The following MYO9B variants were observed in gnomAD, a reference collection of about 807,000 sequenced individuals.
MYO9B encodes unconventional myosin-IXb.
Under a neutral mutation model 229.5 loss-of-function variants are expected in MYO9B, and 71 were observed. The observed-to-expected ratio is 0.31, with a 90% CI of 0.26 to 0.38. The LOEUF (loss-of-function observed/expected upper bound fraction) is 0.38. MYO9B is among the 10% of genes least tolerant of loss of function. The pLI, the probability that MYO9B is intolerant of heterozygous loss-of-function variation, is 1.00. For missense variants in MYO9B, 2,255 were observed against 2,920.5 expected (o/e 0.77, Z 5.25); for synonymous variants, 1,185 against 1,235.8 (o/e 0.96, Z 0.86).
intron 2 of MYO9B, among the ~76,000 whole-genome samples, chr19:17,125,328 G>A (rs547943322): frequency 1.5e-4 from 20 of 134,070 alleles, no homozygotes; most frequent in Non-Finnish European, 2.5e-4. Context: ...GGTAAGATGA[G>A]CCCTAGGGGA....
At chr19:17,140,098 A>G (rs930779894) in intron 2 of MYO9B, among the ~76,000 whole-genome samples, 2 of 152,162 alleles carry the variant, frequency 1.3e-5, no homozygotes, top group Admixed American at 1.3e-4. Context: ...GGATGGATGC[A>G]TGGATGGAAA....
chr19:17,134,981 C>T (rs966797511), intron 2 of MYO9B, among the ~76,000 whole-genome samples: 1 of 149,246 alleles, frequency 6.7e-6, no homozygotes, highest in African/African-American at 2.5e-5. Context: ...CCAGGCTGGT[C>T]TCGAACTCCT....
chr19:17,133,677 C>T (rs1256117363), intron 2 of MYO9B, among the ~76,000 whole-genome samples: 1 of 152,098 alleles, frequency 6.6e-6, no homozygotes, highest in Non-Finnish European at 1.5e-5. Context: ...GTCTCAAACT[C>T]CTGGCCTCAA....
rs2145492969 is a variant in MYO9B at position 17,201,910 on chromosome 19, TC to T, written c.4564-14del. 6.2e-7 allele frequency: 1 copy of T among 1,603,534 alleles called. No individual in the cohort carries two copies. Among genetic ancestry groups the T allele is most frequent in the Non-Finnish European group, 8.5e-7 (1 of 1,172,708 alleles). ...CAGGCCTGAGGCACGCAGGGTCAGT[TC>T]CTCTCCCCTTCCAGATAAATGACCT... On this transcript the variant is annotated splice_polypyrimidine_tract_variant and intron_variant, in intron 26 of 39. Coordinates refer to ENST00000682292, the MANE Select transcript of MYO9B (RefSeq NM_004145.4).
chr19:17,206,017 G>T lies in MYO9B; in HGVS notation c.5122G>T (p.Asp1708Tyr), dbSNP rs200219863. 13 of 1,606,416 alleles carry T rather than the reference G, an allele frequency of 8.1e-6. No homozygotes were observed. Among genetic ancestry groups the T allele is most frequent in the Non-Finnish European group, 1.1e-5 (13 of 1,175,978 alleles). ...CGTGTGCGTAGACAGCCTGACCAGC[G>T]ACAAGGCCTCGGTGCCCATCGTGCT... ...FGVCVDSLTS[D>Y]KASVPIVLEK... The change falls in exon 32 of 40, where the codon GAC becomes TAC. Residue 1708 changes from aspartate to tyrosine, a missense_variant. By Grantham distance (160) the Asp-to-Tyr change is radical (BLOSUM62 -3). Around this residue, in one of 7 missense-constraint regions of MYO9B, gnomAD observed 416 missense variants for 605.5 expected, o/e 0.69. Transcript: ENST00000682292.
intron 14 of MYO9B, among the ~76,000 whole-genome samples, chr19:17,177,191 ACT>A (rs2145384950): frequency 6.6e-6 from 1 of 151,686 alleles, no homozygotes; most frequent in Non-Finnish European, 1.5e-5. Flanking sequence ...ACAGAGCAAG[ACT>A]CTGTCTCAAA....
At chr19:17,138,914 G>A (rs535081068) in intron 2 of MYO9B, among the ~76,000 whole-genome samples, 1 of 152,268 alleles carries the variant, frequency 6.6e-6, no homozygotes, top group East Asian at 1.9e-4. Flanking sequence ...GCTCACGCCT[G>A]TAATCTCAGC....
At position 17,193,061 on chromosome 19, in the gene MYO9B, A is replaced by T. The variant is rs752601517; in HGVS notation, c.3127A>T (p.Ser1043Cys). Residue 1043 changes from serine (S) to cysteine (C), a missense_variant and splice_region_variant, in exon 21 of 40, where the codon AGC becomes TGC. Ser to Cys is a moderately radical substitution (Grantham distance 112). Transcript: ENST00000682292. This position sits in a 1 kb window ranked among gnomAD's most constrained non-coding sequence, Gnocchi z 4.3. The stretch of plus-strand genomic sequence containing the variant: ...GTGTCGGGGGCACCTGCAGCGCAAG[A>T]GGTGAGCAGAGCCGGGCCACGCTCC... ...SLCRGHLQRK[S>C]FSQMISEKQK... The T allele has an allele frequency of 1.7e-5, 25 of 1,450,050 alleles. No homozygotes were observed. Among genetic ancestry groups the T allele is most frequent in the Non-Finnish European group, 2.3e-5 (25 of 1,102,168 alleles). The allele number at this position is 1,450,050 out of a possible 1,614,324, so 89.8% of individuals were successfully genotyped here.
chr19:17,117,844 A>G (rs1289162403), intron 2 of MYO9B, among the ~76,000 whole-genome samples: 1 of 149,328 alleles, frequency 6.7e-6, no homozygotes, highest in Non-Finnish European at 1.5e-5. Flanking sequence ...AAGCTGAGGC[A>G]GGAGAATGGC....
intron 2 of MYO9B, among the ~76,000 whole-genome samples, chr19:17,138,588 AT>A (rs111438052): frequency 0.013 from 2,001 of 152,184 alleles, 38 homozygotes; most frequent in African/African-American, 0.045. Context: ...ACTCAGTTGC[AT>A]TTTTAATGGG....
intron 8 of MYO9B, 134 bp downstream of exon 8, chr19:17,159,618 G>T: frequency 4.8e-6 from 4 of 834,248 alleles, no homozygotes; most frequent in Non-Finnish European, 7.6e-6. Context: ...GCCTCTGATT[G>T]TCATGCAAGC....
At chr19:17,141,599 C>T (rs1172026999) in intron 2 of MYO9B, among the ~76,000 whole-genome samples, 2 of 152,196 alleles carry the variant, frequency 1.3e-5, no homozygotes, top group African/African-American at 2.4e-5. Context: ...CCCCACCTTC[C>T]GCCAGCCACC....
At chr19:17,097,703 C>G (rs1316436531) in intron 1 of MYO9B, among the ~76,000 whole-genome samples, 1 of 152,166 alleles carries the variant, frequency 6.6e-6, no homozygotes, top group Non-Finnish European at 1.5e-5. Context: ...AGCCTCAGCC[C>G]TTCTAACACT....
chr19:17,178,510 T>C (rs1225212900), intron 14 of MYO9B: 1 of 151,054 alleles, frequency 6.6e-6, no homozygotes, highest in Non-Finnish European at 1.5e-5. Context: ...AACCAGATCC[T>C]CATTTCTAGA....
Position 17,195,302 on chromosome 19 carries a change from G to C in MYO9B, c.3875G>C (p.Gly1292Ala). 1 of 1,612,548 alleles carries C rather than the reference G, an allele frequency of 6.2e-7. No individual in the cohort carries two copies. ...GTTCAGGAAAAGCCCGACAGCCCCG[G>C]AGGCTCCACGCAGATCCAGCGGTAC... ...PRVQEKPDSP[G>A]GSTQIQRYLD... The change falls in exon 22 of 40, where the codon GGA (glycine) becomes GCA (alanine). Residue 1292 changes from glycine (G) to alanine (A), a missense_variant. Gly to Ala is a moderately conservative substitution (Grantham distance 60). This residue lies in a region of MYO9B where 679 missense variants were observed against 770.2 expected (regional missense o/e 0.88). Coordinates refer to ENST00000682292, the MANE Select transcript of MYO9B (RefSeq NM_004145.4). The surrounding 1 kb of genome is among the most constrained non-coding windows in gnomAD (Gnocchi z 4.5).
At position 17,133,627 on chromosome 19, in the gene MYO9B, T is replaced by G. The variant is rs899432610; in HGVS notation, c.841-11770T>G. The stretch of plus-strand genomic sequence containing the variant: ...GTGTCCCACCACACCTAGCTTTTTA[T>G]TTTTTGTAAAGATGGGGTGTCACTA... On this transcript the variant is annotated intron_variant, in intron 2 of 39. Coordinates refer to ENST00000682292, the MANE Select transcript of MYO9B (RefSeq NM_004145.4). 1.0e-3 allele frequency among the ~76,000 whole-genome samples: 157 copies of G among 152,108 alleles called. 2 individuals carry two copies. The highest frequency in any genetic ancestry group is 0.01 in the Admixed American group (153 of 15,250).
At chr19:17,205,604 G>C (rs1482186168) in intron 31 of MYO9B, among the ~76,000 whole-genome samples, 1 of 152,202 alleles carries the variant, frequency 6.6e-6, no homozygotes, top group Non-Finnish European at 1.5e-5. Flanking sequence ...GCCATGCAGA[G>C]GGAGGCCCCC....
chr19:17,179,300 A>G (rs887608227), intron 14 of MYO9B, among the ~76,000 whole-genome samples: 1 of 152,070 alleles, frequency 6.6e-6, no homozygotes, highest in South Asian at 2.1e-4. Flanking sequence ...TAATTCCTCC[A>G]AAGGCCTTAA....
At position 17,184,994 on chromosome 19, in the gene MYO9B, G is replaced by A. The variant is rs771153671; in HGVS notation, c.2496+7G>A. The A allele has an allele frequency of 7.4e-6, 12 of 1,613,732 alleles. No homozygotes were observed. Among genetic ancestry groups the A allele is most frequent in the Non-Finnish European group, 1.0e-5 (12 of 1,179,796 alleles). On this transcript the variant is annotated splice_region_variant and intron_variant, in intron 17 of 39. Coordinates refer to ENST00000682292, the MANE Select transcript of MYO9B (RefSeq NM_004145.4). The stretch of plus-strand genomic sequence containing the variant: ...CATCAGCGCCCAGTTCCAGGTAGGT[G>A]GAGCAGGAGAGGCAGAAGGTGGCGG...
Sources: allele counts gnomAD v4.1 joint callset (sites outside exome capture counted in the v4.1 genomes callset), GRCh38; gene constraint gnomAD v4.1.1; regional missense constraint gnomAD v4.1.1; non-coding constraint Gnocchi (gnomAD v3.1); transcripts MANE v1.5; gene names NCBI Gene and HGNC (gene_info 2026-07-23, HGNC 2026-07-21).